Variants in HK3 observed in about 807,000 individuals in gnomAD.
HK3 encodes hexokinase 3, also known as hexokinase-3.
Under a neutral mutation model 91.0 loss-of-function variants are expected in HK3, and 93 were observed. The observed-to-expected ratio is 1.02, with a 90% CI of 0.86 to 1.21. The LOEUF (loss-of-function observed/expected upper bound fraction) is 1.21, where lower values mean the gene tolerates loss of function less well. HK3 is among the 50% of genes most tolerant of loss of function. The probability of loss-of-function intolerance (pLI) is 0.00; values close to 1 mark genes in which losing one functional copy is unlikely to be tolerated. For missense variants in HK3, 1,235 were observed against 1,247.4 expected (o/e 0.99, Z 0.15); for synonymous variants, 519 against 516.9 (o/e 1.00, Z -0.06).
At position 176,894,306 on chromosome 5, in the gene HK3, CAGGG is replaced by C; in HGVS notation, c.96+1754_96+1757del. 1.3e-5 allele frequency among the ~76,000 whole-genome samples: 2 copies of C among 152,318 alleles called. 1 individual carries two copies. Among genetic ancestry groups the C allele is most frequent in the South Asian group, 4.1e-4 (2 of 4,834 alleles). ...ACCTAAGGTCATGGCAAGGGGAGCA[CAGGG>C]TAAGGCCTGTGGTGCTGAGTTGGGG... On this transcript the variant is annotated intron_variant, in intron 2 of 18. Transcript: ENST00000292432.
rs1449786377 is a variant in HK3, at chr5:176,884,367, A to G, written c.1858-233T>C. On this transcript the variant is annotated intron_variant, in intron 13 of 18. Transcript: ENST00000292432. The surrounding 1 kb of genome is among the most constrained non-coding windows in gnomAD (Gnocchi z 4.1). ...AACCATCTAACCTACATTTTCCATT[A>G]TTAGTTCCAGACAGTCAGAGGGTCT... Among the ~76,000 whole-genome samples the G allele has an allele frequency of 1.3e-5, 2 of 152,214 alleles. No individual in the cohort carries two copies. Among genetic ancestry groups the G allele is most frequent in the East Asian group, 3.8e-4 (2 of 5,200 alleles).
chr5:176,881,588 C>T (rs1430002910), intron 17 of HK3, 53 bp from the exon 18 acceptor site: 1 of 1,584,434 alleles, frequency 6.3e-7, no homozygotes, highest in Admixed American at 1.7e-5. Flanking sequence ...ACTTCTCCCA[C>T]TTCATCCTCC....
rs768534601 is a variant in HK3, at chr5:176,887,683, G to C, written c.1368C>G (p.Ile456Met). The change falls in exon 11 of 19, where the codon ATC (isoleucine) becomes ATG (methionine). Residue 456 changes from isoleucine (I) to methionine (M), a missense_variant. By Grantham distance (10) the Ile-to-Met change is conservative (BLOSUM62 1). This residue lies in a region of HK3 where 717 missense variants were observed against 751.6 expected (regional missense o/e 0.95). Transcript: ENST00000292432. The surrounding 1 kb of genome is among the most constrained non-coding windows in gnomAD (Gnocchi z 4.9). Reference sequence around the variant, plus strand: ...CCCGGCCACCACCATCCACAGAGGGGATTAAGGAGACATCGCATTCCGGGG... The same window carrying C: ...CCCGGCCACCACCATCCACAGAGGGCATTAAGGAGACATCGCATTCCGGGG... ...LLAPECDVSL[I>M]PSVDGGGRGV... 1 of 1,613,676 alleles carries C rather than the reference G, an allele frequency of 6.2e-7. No homozygotes were observed. Among genetic ancestry groups the C allele is most frequent in the African/African-American group, 1.3e-5 (1 of 75,034 alleles).
chr5:176,889,806 G>T, intron 6 of HK3, 62 bp from the exon 7 acceptor site: 3 of 1,413,282 alleles, frequency 2.1e-6, no homozygotes, highest in East Asian at 2.3e-5. Flanking sequence ...GGAATCCAGG[G>T]GATGGGCAGG....
In HK3 at chr5:176,881,867, C is replaced by T; in HGVS notation, c.2238-20G>A. ...TCAAACCTGCATGAACATGTGTGCA[C>T]TCGGCAGAAGGCCCCACCAGCCACC... On this transcript the variant is annotated intron_variant, in intron 16 of 18. Coordinates refer to ENST00000292432, the MANE Select transcript of HK3 (RefSeq NM_002115.3). The T allele has an allele frequency of 6.2e-7, 1 of 1,607,032 alleles. No homozygotes were observed. The highest frequency in any genetic ancestry group is 8.5e-7 in the Non-Finnish European group (1 of 1,177,046).
intron 15 of HK3, among the ~76,000 whole-genome samples, chr5:176,882,669 C>T (rs547887801): frequency 1.1e-4 from 16 of 152,280 alleles, no homozygotes; most frequent in Non-Finnish European, 2.2e-4. Flanking sequence ...GACCACGGGG[C>T]GAGTCTCTGC....
In HK3 at chr5:176,880,986, G is replaced by T; in HGVS notation, c.*87C>A. 6.9e-7 allele frequency: 1 copy of T among 1,446,648 alleles called. No individual in the cohort carries two copies. Among genetic ancestry groups the T allele is most frequent in the South Asian group, 1.4e-5 (1 of 70,272 alleles). The allele number at this position is 1,446,648 out of a possible 1,614,324, so 89.6% of individuals were successfully genotyped here. ...CACATGGGATGTCCCAGGAGTCCTGGGTGGCTGGGCCTGGCTGGGAAACAG... is the reference window on the plus strand; with the variant it reads ...CACATGGGATGTCCCAGGAGTCCTGTGTGGCTGGGCCTGGCTGGGAAACAG... On this transcript the variant is annotated 3_prime_UTR_variant, in exon 19 of 19. Coordinates refer to ENST00000292432, the MANE Select transcript of HK3 (RefSeq NM_002115.3).
At chr5:176,885,027 G>A (rs1262979139) in intron 13 of HK3, among the ~76,000 whole-genome samples, 1 of 152,202 alleles carries the variant, frequency 6.6e-6, no homozygotes, top group Non-Finnish European at 1.5e-5. Context: ...GTTTGAGAGA[G>A]ACCAGATGAT....
Position 176,881,216 on chromosome 5 carries a change from A to T in HK3, c.2629T>A (p.Phe877Ile). The change falls in exon 19 of 19, where the codon TTC (phenylalanine) becomes ATC (isoleucine). Residue 877 changes from phenylalanine (F) to isoleucine (I), a missense_variant and splice_region_variant. Physicochemically the swap from Phe to Ile is conservative, Grantham distance 21 (BLOSUM62 0). Around this residue, in one of 3 missense-constraint regions of HK3, gnomAD observed 513 missense variants for 477.4 expected, o/e 1.07. Coordinates refer to ENST00000292432, the MANE Select transcript of HK3 (RefSeq NM_002115.3). The part of the protein sequence containing the change: ...DGTLYKLHPR[F>I]SSLVAATVRE... The stretch of plus-strand genomic sequence containing the variant: ...ACTGTGGCCGCCACCAGGCTGGAGA[A>T]GCTGTGAGAGGAGGGCTGAGGTGAG... 2 of 1,613,200 alleles carry T rather than the reference A, an allele frequency of 1.2e-6. No homozygotes were observed. Among genetic ancestry groups the T allele is most frequent in the Non-Finnish European group, 1.7e-6 (2 of 1,179,914 alleles).
At position 176,881,786 on chromosome 5, in the gene HK3, A is replaced by G; in HGVS notation, c.2299T>C (p.Leu767=). Residue 767 remains leucine (L), a synonymous_variant, in exon 17 of 19, where the codon TTA becomes CTA. Coordinates refer to ENST00000292432, the MANE Select transcript of HK3 (RefSeq NM_002115.3). ...CGGAAGAGAACGCCAAGGCTGGTTA[A>G]ATGTAAAAGGATGTGGCGGACGATC... The part of the protein sequence containing the change: ...GEIVRHILLH[L]TSLGVLFRGQ... The G allele has an allele frequency of 6.2e-7, 1 of 1,614,126 alleles. No individual in the cohort carries two copies. The highest frequency in any genetic ancestry group is 8.5e-7 in the Non-Finnish European group (1 of 1,180,028).
Position 176,884,128 on chromosome 5 carries a change from G to A in HK3, c.1864C>T (p.Leu622Phe), listed in dbSNP as rs764900809. ...TTGAAACCCTTGGTCCAGTTCAGGA[G>A]GATGCCCTGGGGTGAGACCGAGAGG... Reference protein sequence around the residue: ...CRQLGLDQGILLNWTKGFKAS... With the variant: ...CRQLGLDQGIFLNWTKGFKAS... Residue 622 changes from leucine to phenylalanine, a missense_variant, in exon 14 of 19, where the codon CTC (leucine) becomes TTC (phenylalanine). By Grantham distance (22) the Leu-to-Phe change is conservative. Around this residue, in one of 3 missense-constraint regions of HK3, gnomAD observed 513 missense variants for 477.4 expected, o/e 1.07. Coordinates refer to ENST00000292432, the MANE Select transcript of HK3 (RefSeq NM_002115.3). This position sits in a 1 kb window ranked among gnomAD's most constrained non-coding sequence, Gnocchi z 4.1. The A allele has an allele frequency of 3.4e-5, 55 of 1,613,778 alleles. No individual in the cohort carries two copies. The highest frequency in any genetic ancestry group is 1.6e-4 in the Middle Eastern group (1 of 6,084).
intron 13 of HK3, among the ~76,000 whole-genome samples, chr5:176,885,133 G>A (rs1758548495): frequency 2.0e-5 from 3 of 152,190 alleles, no homozygotes; most frequent in Non-Finnish European, 4.4e-5. Context: ...CCTGAGACAG[G>A]TGTCCTATGC....
intron 13 of HK3, among the ~76,000 whole-genome samples, chr5:176,886,583 C>T: frequency 1.3e-5 from 2 of 151,912 alleles, no homozygotes; most frequent in East Asian, 3.9e-4. Flanking sequence ...TGGCACTCTG[C>T]CACCCTAGTC....
intron 2 of HK3, among the ~76,000 whole-genome samples, chr5:176,895,472 G>T (rs909158246): frequency 1.3e-5 from 2 of 152,232 alleles, no homozygotes; most frequent in Non-Finnish European, 2.9e-5. Context: ...GAGACTAAGA[G>T]ATATGAAATG....
chr5:176,897,368 G>A (rs1259987155), intron 1 of HK3, among the ~76,000 whole-genome samples: 2 of 152,092 alleles, frequency 1.3e-5, no homozygotes, highest in Non-Finnish European at 2.9e-5. Flanking sequence ...AGGGGTGGGG[G>A]AAAAGGGAAA....
At chr5:176,895,759 G>A (rs148282707) in intron 2 of HK3, among the ~76,000 whole-genome samples, 4 of 152,150 alleles carry the variant, frequency 2.6e-5, no homozygotes, top group Non-Finnish European at 5.9e-5. Flanking sequence ...GGGCGGGAGC[G>A]GCACCTGTGT....
chr5:176,885,531 C>T (rs1581292739), intron 13 of HK3, among the ~76,000 whole-genome samples: 1 of 152,090 alleles, frequency 6.6e-6, no homozygotes, highest in East Asian at 1.9e-4. Context: ...AAGTGATTCT[C>T]CTGCCTCAGC....
Position 176,890,811 on chromosome 5 carries a change from C to T in HK3, c.534+11G>A, listed in dbSNP as rs2149376653. ...CCCTCTACCCAGCGTCCCATGTCCA[C>T]TCCACCTCACCCTGTCCAAGCCCGT... On this transcript the variant is annotated intron_variant, in intron 5 of 18. Transcript: ENST00000292432. 4 of 1,614,226 alleles carry T rather than the reference C, an allele frequency of 2.5e-6. No individual in the cohort carries two copies. Among genetic ancestry groups the T allele is most frequent in the Non-Finnish European group, 3.4e-6 (4 of 1,180,042 alleles).
chr5:176,889,804 G>T (rs1474771499), intron 6 of HK3, 60 bp from the exon 7 acceptor site: 4 of 1,457,284 alleles, frequency 2.7e-6, no homozygotes, highest in Non-Finnish European at 3.8e-6. Flanking sequence ...AGGGAATCCA[G>T]GGGATGGGCA....
Sources: allele counts gnomAD v4.1 joint callset (sites outside exome capture counted in the v4.1 genomes callset), GRCh38; gene constraint gnomAD v4.1.1; regional missense constraint gnomAD v4.1.1; non-coding constraint Gnocchi (gnomAD v3.1); transcripts MANE v1.5; gene names NCBI Gene and HGNC (gene_info 2026-07-23, HGNC 2026-07-21).